The following TSPAN14 variants were observed in gnomAD, a reference collection of about 807,000 sequenced individuals.
TSPAN14 encodes tetraspanin 14.
TSPAN14 carries 16 observed loss-of-function variants against 36.6 expected under a neutral mutation model. That is an observed-to-expected ratio of 0.44 (90% CI 0.30 to 0.66). The LOEUF (loss-of-function observed/expected upper bound fraction) is 0.66, where lower values mean the gene tolerates loss of function less well. TSPAN14 is among the 30% of genes least tolerant of loss of function. TSPAN14 has a pLI of 0.12. For synonymous variants in TSPAN14, 139 were observed against 143.8 expected (o/e 0.97, Z 0.24); for missense variants, 231 against 355.1 (o/e 0.65, Z 2.81).
Position 80,482,800 on chromosome 10 carries a change from A to G in TSPAN14, c.-17-6417A>G, listed in dbSNP as rs532793227. ...GCCCAGGCTGGAGTGCAATGGCACG[A>G]TCTCGGCTCACTGCAACCCCCGCCT... On this transcript the variant is annotated intron_variant, in intron 1 of 8. Coordinates refer to ENST00000429989, the Ensembl canonical transcript of TSPAN14. Among the ~76,000 whole-genome samples the G allele has an allele frequency of 5.1e-5, 7 of 136,372 alleles. 1 individual carries two copies. The highest frequency in any genetic ancestry group is 2.0e-4 in the African/African-American group (7 of 35,308). 89.5% of individuals were successfully genotyped at this position (136,372 alleles called of 152,430 possible). A position where few individuals can be genotyped will look rare whatever the true frequency, so the allele number is the denominator to read the frequency against.
chr10:80,487,606 G>A (rs1295825741), intron 1 of TSPAN14, among the ~76,000 whole-genome samples: 7 of 152,142 alleles, frequency 4.6e-5, no homozygotes, highest in Non-Finnish European at 1.0e-4. Flanking sequence ...CCCTGCAGCC[G>A]CTCTGGCCCA....
At chr10:80,455,664 C>G (rs940171435) in intron 1 of TSPAN14, among the ~76,000 whole-genome samples, 3 of 152,066 alleles carry the variant, frequency 2.0e-5, no homozygotes, top group African/African-American at 7.2e-5. Context: ...TTCAGCTAGC[C>G]GAGTGGTTGG....
intron 7 of TSPAN14, chr10:80,515,843 C>T (rs886773611): frequency 1.0e-5 from 2 of 199,988 alleles, no homozygotes; most frequent in Admixed American, 5.4e-5. Flanking sequence ...GGACCCCCTT[C>T]TCCAGGTTTC....
At chr10:80,465,793 T>C (rs1846211355) in intron 1 of TSPAN14, among the ~76,000 whole-genome samples, 1 of 152,240 alleles carries the variant, frequency 6.6e-6, no homozygotes. Flanking sequence ...TGGTTAAGAA[T>C]ATTTTTTATT....
chr10:80,516,526 G>A (rs933941959), intron 8 of TSPAN14, among the ~76,000 whole-genome samples: 3 of 152,220 alleles, frequency 2.0e-5, no homozygotes, highest in Non-Finnish European at 4.4e-5. Flanking sequence ...TTCCATAAAC[G>A]CTACCTATAG....
intron 1 of TSPAN14, among the ~76,000 whole-genome samples, chr10:80,488,346 G>A (rs932673872): frequency 2.0e-5 from 3 of 152,324 alleles, no homozygotes; most frequent in East Asian, 1.9e-4. Flanking sequence ...AAAGTCCCTC[G>A]GAAATAGCAC....
intron 2 of TSPAN14, among the ~76,000 whole-genome samples, chr10:80,499,729 G>A (rs1741463770): frequency 6.6e-6 from 1 of 152,186 alleles, no homozygotes; most frequent in African/African-American, 2.4e-5. Context: ...GGATATGGAG[G>A]GATAGCCTTA....
intron 1 of TSPAN14, among the ~76,000 whole-genome samples, chr10:80,464,853 A>AT (rs1846156305): frequency 6.8e-6 from 1 of 146,004 alleles, no homozygotes; most frequent in African/African-American, 2.5e-5. Flanking sequence ...CCCATTGTAG[A>AT]TTTTTTTGGG....
chr10:80,501,325 T>G (rs1364897659), intron 2 of TSPAN14, among the ~76,000 whole-genome samples: 1 of 149,594 alleles, frequency 6.7e-6, no homozygotes, highest in African/African-American at 2.5e-5. Flanking sequence ...GGGGTCTTGC[T>G]ATGTTGCCCA....
chr10:80,508,119 C>CTTTTTT (rs60175951), intron 4 of TSPAN14, among the ~76,000 whole-genome samples: 2 of 133,686 alleles, frequency 1.5e-5, no homozygotes, highest in South Asian at 2.3e-4. Context: ...CTTTTCTTTT[C>CTTTTTT]TTTTTTTTTT....
Position 80,482,858 on chromosome 10 carries a change from C to T in TSPAN14, c.-17-6359C>T, listed in dbSNP as rs552616802. On this transcript the variant is annotated intron_variant, in intron 1 of 8. Transcript: ENST00000429989. ...TCAAGTGATTCTCCTGCCTCAGCTT[C>T]CCGAGTAGCTGGTATTACAGGCGTG... Among the ~76,000 whole-genome samples the T allele has an allele frequency of 8.6e-5, 13 of 151,184 alleles. No homozygotes were observed. The East Asian group carries it at 2.6e-3, about 30-fold the overall frequency.
intron 1 of TSPAN14, among the ~76,000 whole-genome samples, chr10:80,488,473 G>A (rs1054622174): frequency 6.6e-6 from 1 of 151,944 alleles, no homozygotes; most frequent in African/African-American, 2.4e-5. Flanking sequence ...TGTAATCCAA[G>A]CTTCATTACA....
rs146535965 is a variant in TSPAN14 at position 80,458,214 on chromosome 10, A to G, written c.-18+3843A>G. Among the ~76,000 whole-genome samples the G allele has an allele frequency of 3.9e-3, 546 of 139,720 alleles. 12 individuals carry two copies. Among genetic ancestry groups the G allele is most frequent in the East Asian group, 0.031 (131 of 4,268 alleles). 91.7% of individuals were successfully genotyped at this position (139,720 alleles called of 152,430 possible). On this transcript the variant is annotated intron_variant, in intron 1 of 8. Transcript: ENST00000429989. ...ACTCGGGGATTGAGCTTGCAGGCAT[A>G]GGGGTGTAGAAAGCAGTGGTAGCGA...
intron 1 of TSPAN14, among the ~76,000 whole-genome samples, chr10:80,469,651 A>T (rs1242789572): frequency 6.6e-6 from 1 of 152,196 alleles, no homozygotes; most frequent in Non-Finnish European, 1.5e-5. Flanking sequence ...TTTGCAGTTT[A>T]AAAAATTCTG....
intron 2 of TSPAN14, among the ~76,000 whole-genome samples, chr10:80,501,445 C>G (rs1032106183): frequency 1.3e-5 from 2 of 152,116 alleles, no homozygotes; most frequent in Non-Finnish European, 2.9e-5. Flanking sequence ...AAACAATACC[C>G]TTAGAAGTCA....
intron 1 of TSPAN14, among the ~76,000 whole-genome samples, chr10:80,482,584 G>C (rs1035413682): frequency 6.6e-6 from 1 of 150,564 alleles, no homozygotes; most frequent in East Asian, 1.9e-4. Flanking sequence ...CACTGTGCCC[G>C]GCCTCCACAA....
At chr10:80,481,304 A>G (rs1255049634) in intron 1 of TSPAN14, among the ~76,000 whole-genome samples, 1 of 152,188 alleles carries the variant, frequency 6.6e-6, no homozygotes, top group Non-Finnish European at 1.5e-5. Flanking sequence ...TTCTTTTTGA[A>G]GAAGAAATAG....
chr10:80,519,508 A>T, exon 9 of TSPAN14: 1 of 53,098 alleles, frequency 1.9e-5, no homozygotes. Context: ...GTGGCTGTTG[A>T]TGATGATTTT....
intron 2 of TSPAN14, among the ~76,000 whole-genome samples, chr10:80,497,746 G>A (rs2132028891): frequency 6.6e-6 from 1 of 152,318 alleles, no homozygotes; most frequent in Non-Finnish European, 1.5e-5. Context: ...GGTCAACTCT[G>A]TTATCTGGCA....
Sources: allele counts gnomAD v4.1 joint callset (sites outside exome capture counted in the v4.1 genomes callset), GRCh38; gene constraint gnomAD v4.1.1; transcripts MANE v1.5; gene names NCBI Gene and HGNC (gene_info 2026-07-23, HGNC 2026-07-21).